The following RAPGEF4 variants were observed in gnomAD, a reference collection of about 807,000 sequenced individuals.
RAPGEF4 encodes the protein RAP guanine-nucleotide-exchange factor (GEF) 4.
Under a neutral mutation model 147.9 loss-of-function variants are expected in RAPGEF4, and 66 were observed. The ratio of observed to expected loss-of-function variants is 0.45; its 90% CI spans 0.37 to 0.55. The LOEUF (loss-of-function observed/expected upper bound fraction) is 0.55. RAPGEF4 is among the 20% of genes least tolerant of loss of function. The probability of loss-of-function intolerance (pLI) is 0.00; values close to 1 mark genes in which losing one functional copy is unlikely to be tolerated. For missense variants in RAPGEF4, 1,071 were observed against 1,257.3 expected, an observed-to-expected ratio of 0.85 and a Z score of 2.24; for synonymous variants, 419 against 442.7, an observed-to-expected ratio of 0.95 and a Z score of 0.67.
intron 4 of RAPGEF4, among the ~76,000 whole-genome samples, chr2:172,826,024 T>C (rs1282537165): frequency 6.6e-6 from 1 of 152,192 alleles, no homozygotes; most frequent in Non-Finnish European, 1.5e-5. Flanking sequence ...TAACAAAATT[T>C]TGTGAAGATT....
Position 172,908,888 on chromosome 2 carries a change from AG to A in RAPGEF4, c.445-8913del, listed in dbSNP as rs1479378965. ...GTCTGCAATGACCCAACTGATTAGC[AG>A]TAAGGAGCCAAGCCGGCCAAGTGCT... On this transcript the variant is annotated intron_variant, in intron 4 of 30. Coordinates refer to ENST00000397081, the MANE Select transcript of RAPGEF4 (RefSeq NM_007023.4). Among the ~76,000 whole-genome samples, 4 of 147,968 alleles carry A rather than the reference AG, an allele frequency of 2.7e-5. No homozygotes were observed. The East Asian group carries it at 9.8e-4, about 36-fold the overall frequency.
At chr2:173,032,366 C>G (rs1042047415) in intron 26 of RAPGEF4, among the ~76,000 whole-genome samples, 1 of 152,096 alleles carries the variant, frequency 6.6e-6, no homozygotes, top group Non-Finnish European at 1.5e-5. Context: ...AAACACTGCT[C>G]TAGAAGCATG....
intron 4 of RAPGEF4, among the ~76,000 whole-genome samples, chr2:172,828,392 A>C (rs1019832383): frequency 6.6e-6 from 1 of 152,202 alleles, no homozygotes; most frequent in Admixed American, 6.5e-5. Context: ...ACAGCCCCTC[A>C]GTGTGAGGGA....
intron 4 of RAPGEF4, among the ~76,000 whole-genome samples, chr2:172,829,625 G>A (rs1393385006): frequency 7.9e-5 from 12 of 152,118 alleles, no homozygotes; most frequent in Admixed American, 7.9e-4. Context: ...CTCTTTAGTG[G>A]TAAATTATTA....
chr2:172,789,630 C>T (rs1685601099), intron 1 of RAPGEF4, among the ~76,000 whole-genome samples: 1 of 152,208 alleles, frequency 6.6e-6, no homozygotes. Flanking sequence ...TTCCCTTTCA[C>T]TCCAGTCCCT....
chr2:172,805,015 C>G (rs1251500416), intron 3 of RAPGEF4, among the ~76,000 whole-genome samples: 2 of 152,136 alleles, frequency 1.3e-5, no homozygotes, highest in Non-Finnish European at 2.9e-5. Flanking sequence ...TGGGCCTTAC[C>G]CCATGGGTCT....
At chr2:173,030,752 T>C (rs1697118964) in intron 26 of RAPGEF4, among the ~76,000 whole-genome samples, 1 of 152,200 alleles carries the variant, frequency 6.6e-6, no homozygotes, top group African/African-American at 2.4e-5. Flanking sequence ...CCTCACCACC[T>C]GGCAGACTTC....
intron 17 of RAPGEF4, among the ~76,000 whole-genome samples, chr2:173,001,993 CAAA>C (rs11397728): frequency 5.8e-4 from 46 of 79,318 alleles, no homozygotes; most frequent in Middle Eastern, 8.3e-3. Context: ...GTGATGCTGG[CAAA>C]AAAAAAAAAA....
chr2:172,753,063 G>A (rs1695438164), intron 1 of RAPGEF4, among the ~76,000 whole-genome samples: 1 of 152,012 alleles, frequency 6.6e-6, no homozygotes, highest in South Asian at 2.1e-4. Context: ...TTTTGTCTCT[G>A]TGACTGGAAG....
intron 5 of RAPGEF4, among the ~76,000 whole-genome samples, chr2:172,921,293 G>C (rs766472367): frequency 6.6e-6 from 1 of 151,804 alleles, no homozygotes; most frequent in Non-Finnish European, 1.5e-5. Flanking sequence ...TCACCATGTC[G>C]GCCAGGCTGC....
intron 4 of RAPGEF4, among the ~76,000 whole-genome samples, chr2:172,893,426 A>G (rs1182950191): frequency 6.6e-6 from 1 of 152,218 alleles, no homozygotes; most frequent in Non-Finnish European, 1.5e-5. Context: ...CTGAAACATC[A>G]TGGGCACAGT....
At chr2:172,833,030 G>C (rs114891717) in intron 4 of RAPGEF4, among the ~76,000 whole-genome samples, 2,280 of 152,212 alleles carry the variant, frequency 0.015, 19 homozygotes, top group South Asian at 0.033. Context: ...ATGGCGAAAC[G>C]CTGTCTTTAC....
intron 4 of RAPGEF4, among the ~76,000 whole-genome samples, chr2:172,909,522 G>A (rs550329312): frequency 1.3e-5 from 2 of 152,238 alleles, no homozygotes; most frequent in African/African-American, 2.4e-5. Context: ...GGTTTACAGG[G>A]GGAAGTGCAC....
intron 4 of RAPGEF4, among the ~76,000 whole-genome samples, chr2:172,820,227 A>C (rs10178693): frequency 6.6e-6 from 1 of 152,086 alleles, no homozygotes; most frequent in Admixed American, 6.5e-5. Context: ...GGTTAAATCC[A>C]TGAAAGATGC....
chr2:172,758,608 A>G (rs1696003095), intron 1 of RAPGEF4, among the ~76,000 whole-genome samples: 1 of 152,198 alleles, frequency 6.6e-6, no homozygotes, highest in African/African-American at 2.4e-5. Context: ...TTGGAGGTAG[A>G]ACCAATAGGA....
In RAPGEF4 at chr2:172,855,725, A is replaced by C. The variant is rs145305233; in HGVS notation, c.444+41300A>C. Among the ~76,000 whole-genome samples, 954 of 152,292 alleles carry C rather than the reference A, an allele frequency of 6.3e-3. 10 individuals carry two copies. Among genetic ancestry groups the C allele is most frequent in the Non-Finnish European group, 6.7e-3 (457 of 68,006 alleles). On this transcript the variant is annotated intron_variant, in intron 4 of 30. Coordinates refer to ENST00000397081, the MANE Select transcript of RAPGEF4 (RefSeq NM_007023.4). ...ATAGAATTCTAGCTTGACAAATAGA[A>C]TTCTAGCTTGACAAGTGTTGTTTTC...
At chr2:172,983,351 T>C in intron 10 of RAPGEF4, 145 bp from the exon 11 acceptor site, 1 of 1,433,470 alleles carries the variant, frequency 7.0e-7, no homozygotes, top group Non-Finnish European at 9.1e-7. Flanking sequence ...TTAGGCATTA[T>C]ACTGGTGCAA....
chr2:172,782,196 G>A (rs748660673), intron 1 of RAPGEF4, among the ~76,000 whole-genome samples: 6 of 152,192 alleles, frequency 3.9e-5, no homozygotes, highest in Non-Finnish European at 7.3e-5. Flanking sequence ...TAAAGCTAGA[G>A]CTTCCTAACC....
In RAPGEF4 at chr2:173,003,383, C is replaced by A. The variant is rs538593662; in HGVS notation, c.1658+2039C>A. On this transcript the variant is annotated intron_variant, in intron 17 of 30. Coordinates refer to ENST00000397081, the MANE Select transcript of RAPGEF4 (RefSeq NM_007023.4). ...TTCTTTTGTCTGTAGACGGGGGAAT[C>A]CAGGGTGACTGGGTATAATCTGTAT... Among the ~76,000 whole-genome samples, 12 of 152,080 alleles carry A rather than the reference C, an allele frequency of 7.9e-5. No individual in the cohort carries two copies. In the East Asian group the frequency reaches 2.1e-3, roughly 27 times the overall value.
Sources: gnomAD v4.1 joint callset for allele counts (sites outside exome capture counted in the v4.1 genomes callset) on GRCh38, gnomAD v4.1.1 for gene constraint, MANE v1.5 for transcripts, NCBI Gene and HGNC (gene_info 2026-07-23, HGNC 2026-07-21) for gene names.